ASCC3: variants seen among roughly 807,000 people sequenced by gnomAD.
ASCC3 encodes ASC-1 complex subunit P200.
A neutral mutation model predicts 256.3 loss-of-function variants in ASCC3; 158 were observed. The ratio of observed to expected loss-of-function variants is 0.62; its 90% CI spans 0.54 to 0.70. ASCC3 has a LOEUF of 0.70. Ranked by LOEUF, ASCC3 falls within the 30% of genes least tolerant of loss-of-function variation. ASCC3 has a pLI of 0.00. For synonymous variants in ASCC3, 948 were observed against 883.4 expected (o/e 1.07, Z -1.30); for missense variants, 2,259 against 2,626.0 (o/e 0.86, Z 3.05).
chr6:100,608,143 TA>T (rs1773064644), intron 30 of ASCC3, among the ~76,000 whole-genome samples: 1 of 127,314 alleles, frequency 7.9e-6, no homozygotes, highest in African/African-American at 2.9e-5. Flanking sequence ...TATGTATATA[TA>T]TCTATATATA....
At chr6:100,841,012 A>G (rs1772119081) in intron 4 of ASCC3, among the ~76,000 whole-genome samples, 1 of 152,276 alleles carries the variant, frequency 6.6e-6, no homozygotes, top group African/African-American at 2.4e-5. Flanking sequence ...AACTGAGAAA[A>G]CTAGAGGGAC....
chr6:100,567,137 C>G (rs1582461172), intron 36 of ASCC3, among the ~76,000 whole-genome samples: 2 of 151,904 alleles, frequency 1.3e-5, no homozygotes, highest in Admixed American at 6.6e-5. Context: ...TTGAAAACAT[C>G]AGACAATAAA....
At chr6:100,771,118 A>T (rs9390681) in intron 8 of ASCC3, among the ~76,000 whole-genome samples, 83,443 of 151,956 alleles carry the variant, frequency 0.55, 23,275 homozygotes, top group South Asian at 0.75. Context: ...AAATCCAGAA[A>T]TAAATCCACA....
intron 8 of ASCC3, among the ~76,000 whole-genome samples, chr6:100,777,337 T>C (rs571628464): frequency 5.3e-5 from 8 of 152,226 alleles, no homozygotes; most frequent in African/African-American, 1.7e-4. Flanking sequence ...TGATCTTTCA[T>C]TTATAGGTGG....
In ASCC3 at chr6:100,585,993, G is replaced by T. The variant is rs1168110838; in HGVS notation, c.5550+3641C>A. 2.6e-5 allele frequency among the ~76,000 whole-genome samples: 4 copies of T among 152,138 alleles called. No homozygotes were observed. In the East Asian group the frequency reaches 5.8e-4, roughly 22 times the overall value. Reference sequence around the variant, plus strand: ...TGTGAGTTGTCAGTCTGCTCCTACTGGGGGGTGCCTCCCAGTTAGGCTGCT... The same window carrying T: ...TGTGAGTTGTCAGTCTGCTCCTACTTGGGGGTGCCTCCCAGTTAGGCTGCT... On this transcript the variant is annotated intron_variant, in intron 36 of 41. Transcript: ENST00000369162.
chr6:100,858,062 T>C (rs1773043738), intron 3 of ASCC3: 1 of 215,104 alleles, frequency 4.6e-6, no homozygotes, highest in Non-Finnish European at 8.0e-6. Flanking sequence ...TTCCATGAAG[T>C]CTTGCTTATT....
chr6:100,856,533 G>T, intron 3 of ASCC3: 1 of 659,506 alleles, frequency 1.5e-6, no homozygotes, highest in Non-Finnish European at 1.9e-6. Flanking sequence ...ACAGTTCAAA[G>T]AATTATCAAA....
intron 10 of ASCC3, among the ~76,000 whole-genome samples, chr6:100,733,324 T>A (rs1253351527): frequency 6.6e-6 from 1 of 152,124 alleles, no homozygotes; most frequent in Non-Finnish European, 1.5e-5. Context: ...GTGGCAATAT[T>A]GGTAGGTGGG....
At chr6:100,647,722 T>C (rs1308444955) in intron 20 of ASCC3, among the ~76,000 whole-genome samples, 1 of 152,058 alleles carries the variant, frequency 6.6e-6, no homozygotes, top group Admixed American at 6.6e-5. Flanking sequence ...TAAACAGGAA[T>C]GAAGTAGGAA....
intron 36 of ASCC3, among the ~76,000 whole-genome samples, chr6:100,543,975 T>C (rs1489304698): frequency 6.6e-6 from 1 of 152,090 alleles, no homozygotes; most frequent in African/African-American, 2.4e-5. Flanking sequence ...TTTCAAGTGA[T>C]ACTTTGACTG....
intron 14 of ASCC3, among the ~76,000 whole-genome samples, chr6:100,669,568 A>G (rs1776640680): frequency 6.6e-6 from 1 of 151,798 alleles, no homozygotes; most frequent in Admixed American, 6.6e-5. Context: ...TATGAACATG[A>G]TTTCCTGGAG....
In ASCC3 at chr6:100,516,545, G is replaced by C. The variant is rs543202961; in HGVS notation, c.5928-218C>G. Among the ~76,000 whole-genome samples the C allele has an allele frequency of 7.2e-5, 11 of 152,218 alleles. No individual in the cohort carries two copies. The South Asian group carries it at 2.3e-3, about 32-fold the overall frequency. ...TGCATCAAATGTATTAATTTTATGT[G>C]AAGTCAGTAAATACTTAGGGTTCAC... On this transcript the variant is annotated intron_variant, in intron 38 of 41. Coordinates refer to ENST00000369162, the MANE Select transcript of ASCC3 (RefSeq NM_006828.4).
At chr6:100,806,672 CAAAT>C (rs1770200023) in intron 4 of ASCC3, among the ~76,000 whole-genome samples, 1 of 151,834 alleles carries the variant, frequency 6.6e-6, no homozygotes, top group South Asian at 2.1e-4. Flanking sequence ...AGAATCCACA[CAAAT>C]AAAACCATAA....
At chr6:100,873,844 C>G (rs1773863501) in intron 1 of ASCC3, among the ~76,000 whole-genome samples, 1 of 152,136 alleles carries the variant, frequency 6.6e-6, no homozygotes, top group African/African-American at 2.4e-5. Flanking sequence ...ACGCCACTAC[C>G]AAGCCAGCAC....
At chr6:100,624,582 C>T (rs1774135950) in intron 30 of ASCC3, among the ~76,000 whole-genome samples, 1 of 151,800 alleles carries the variant, frequency 6.6e-6, no homozygotes, top group South Asian at 2.1e-4. Context: ...AGCAGTGTAC[C>T]TGAAAAGCTG....
At chr6:100,753,029 G>T (rs1582810789) in intron 10 of ASCC3, among the ~76,000 whole-genome samples, 1 of 152,014 alleles carries the variant, frequency 6.6e-6, no homozygotes, top group South Asian at 2.1e-4. Context: ...GACATGAAGG[G>T]ATTTCTAAAG....
rs554321133 is a variant in ASCC3, at chr6:100,786,984, T to G, written c.1395+11729A>C. 2.4e-4 allele frequency among the ~76,000 whole-genome samples: 36 copies of G among 152,264 alleles called. No individual in the cohort carries two copies. In the East Asian group the frequency reaches 6.6e-3, roughly 28 times the overall value. On this transcript the variant is annotated intron_variant, in intron 8 of 41. Transcript: ENST00000369162. ...CAGTAAGTATCAGTTTTAGATGGTT[T>G]GGAAATGTAAATGTGCAAAGTAAGA...
chr6:100,830,012 C>T (rs1771543826), intron 4 of ASCC3, among the ~76,000 whole-genome samples: 1 of 151,978 alleles, frequency 6.6e-6, no homozygotes, highest in African/African-American at 2.4e-5. Flanking sequence ...AGATGATTCA[C>T]GTCCCAGGCA....
At chr6:100,786,178 T>G (rs1769068624) in intron 8 of ASCC3, among the ~76,000 whole-genome samples, 1 of 152,272 alleles carries the variant, frequency 6.6e-6, no homozygotes, top group African/African-American at 2.4e-5. Flanking sequence ...CATCTGGGTT[T>G]TCACCAGCAC....
Sources: gnomAD v4.1 joint callset for allele counts (sites outside exome capture counted in the v4.1 genomes callset) on GRCh38, gnomAD v4.1.1 for gene constraint, MANE v1.5 for transcripts, NCBI Gene and HGNC (gene_info 2026-07-23, HGNC 2026-07-21) for gene names.